GTF2H3: variants seen among roughly 807,000 people sequenced by gnomAD.
The protein encoded by GTF2H3 is general transcription factor IIH subunit 3, also known as TFIIH basal transcription factor complex p34 subunit.
GTF2H3 carries 42 observed loss-of-function variants against 51.1 expected under a neutral mutation model. The ratio of observed to expected loss-of-function variants is 0.82; its 90% confidence interval spans 0.64 to 1.06. The LOEUF (loss-of-function observed/expected upper bound fraction) is 1.06, where lower values mean the gene tolerates loss of function less well. Among genes scored for constraint, GTF2H3 ranks in the 50% least tolerant of loss-of-function variants. The pLI, the probability that GTF2H3 is intolerant of heterozygous loss-of-function variation, is 0.00. For missense variants in GTF2H3, 326 were observed against 366.1 expected (o/e 0.89, Z 0.89); for synonymous variants, 123 against 123.8 (o/e 0.99, Z 0.04).
intron 8 of GTF2H3, among the ~76,000 whole-genome samples, chr12:123,655,315 A>T (rs1955573008): frequency 6.6e-6 from 1 of 152,168 alleles, no homozygotes; most frequent in Admixed American, 6.5e-5. Flanking sequence ...ACCTTGCATC[A>T]GTTTCTTTAT....
chr12:123,657,459 C>T (rs1593814495), intron 9 of GTF2H3, among the ~76,000 whole-genome samples: 1 of 152,214 alleles, frequency 6.6e-6, no homozygotes, highest in Admixed American at 6.5e-5. Flanking sequence ...ACTTTCTGTT[C>T]TCTCTGCTCG....
At chr12:123,648,597 C>T (rs1057199780) in intron 4 of GTF2H3, among the ~76,000 whole-genome samples, 14 of 152,198 alleles carry the variant, frequency 9.2e-5, no homozygotes, top group African/African-American at 3.4e-4. Context: ...GTCCCACAGT[C>T]TCTGGACATG....
intron 5 of GTF2H3, among the ~76,000 whole-genome samples, chr12:123,651,819 C>CAA (rs993644383): frequency 2.1e-5 from 2 of 93,946 alleles, no homozygotes; most frequent in Admixed American, 1.1e-4. Context: ...GACTACATCT[C>CAA]AAAAAAAAAA....
chr12:123,660,454 G>A lies in GTF2H3; in HGVS notation c.*219G>A. The A allele has an allele frequency of 4.9e-6, 2 of 404,486 alleles. No homozygotes were observed. The highest frequency in any genetic ancestry group is 4.4e-6 in the Non-Finnish European group (1 of 228,844). 25.1% of individuals were successfully genotyped at this position (404,486 alleles called of 1,614,324 possible). A position where few individuals can be genotyped will look rare whatever the true frequency, so the allele number is the denominator to read the frequency against. On this transcript the variant is annotated 3_prime_UTR_variant, in exon 13 of 13. Coordinates refer to ENST00000543341, the MANE Select transcript of GTF2H3 (RefSeq NM_001516.5). Reference sequence around the variant, plus strand: ...TGCATTATATCCTAAAATATTCTATGACTGGTTTCTGTCCATGTTTGTGGC... The same window carrying A: ...TGCATTATATCCTAAAATATTCTATAACTGGTTTCTGTCCATGTTTGTGGC...
In GTF2H3 at chr12:123,659,544, T is replaced by C. The variant is rs1357654293; in HGVS notation, c.644T>C (p.Leu215Pro). ...QACDITGGLY[L>P]KVPQMPSLLQ... is the part of the protein sequence containing the mutation. ...TGTGACATCACGGGAGGACTGTACC[T>C]GAAGGTGCCTCAGATGCCTTCTCTT... Residue 215 changes from leucine (L) to proline (P), a missense_variant, in exon 10 of 13, where the codon CTG becomes CCG. Transcript: ENST00000543341. The C allele has an allele frequency of 4.2e-5, 67 of 1,614,048 alleles. No individual in the cohort carries two copies. The highest frequency in any genetic ancestry group is 5.4e-5 in the Non-Finnish European group (64 of 1,180,024).
rs938500834 is a variant in GTF2H3, at chr12:123,662,146, A to T, written c.*1911A>T. 1 of 152,050 alleles carries T rather than the reference A, an allele frequency of 6.6e-6. No homozygotes were observed. The highest frequency in any genetic ancestry group is 1.5e-5 in the Non-Finnish European group (1 of 68,202). 9.4% of individuals were successfully genotyped at this position (152,050 alleles called of 1,614,324 possible). A position where few individuals can be genotyped will look rare whatever the true frequency, so the allele number is the denominator to read the frequency against. The stretch of plus-strand genomic sequence containing the variant: ...ACAAAACTCTGTCTCAAAAAAAAAA[A>T]AAAAAAAAAAGTCTGTACTGATAAA... On this transcript the variant is annotated 3_prime_UTR_variant, in exon 13 of 13. Transcript: ENST00000543341.
At chr12:123,639,963 C>CA in intron 2 of GTF2H3, 1 of 455,900 alleles carries the variant, frequency 2.2e-6, no homozygotes, top group Non-Finnish European at 4.4e-6. Flanking sequence ...TCAGCACCAC[C>CA]ATCTCATGCC....
chr12:123,639,314 TG>T lies in GTF2H3; in HGVS notation c.68del (p.Gly23GlufsTer5). ...TGTAGTTGATGCCAACCCAATTTGGTGGGGAAAGCAAGCATTAAAGGAATCT... is the reference window on the plus strand; with the variant it reads ...TGTAGTTGATGCCAACCCAATTTGGTGGGAAAGCAAGCATTAAAGGAATCT... ...VIVVDANPIW[W>X]GKQALKESQF... On this transcript the variant is annotated frameshift_variant, in exon 2 of 13. Coordinates refer to ENST00000543341, the MANE Select transcript of GTF2H3 (RefSeq NM_001516.5). LOFTEE classifies it high-confidence loss of function. 1 of 1,589,646 alleles carries T rather than the reference TG, an allele frequency of 6.3e-7. No individual in the cohort carries two copies. The highest frequency in any genetic ancestry group is 8.6e-7 in the Non-Finnish European group (1 of 1,157,864).
At chr12:123,657,444 G>A (rs748523043) in intron 9 of GTF2H3, among the ~76,000 whole-genome samples, 51 of 152,274 alleles carry the variant, frequency 3.3e-4, no homozygotes, top group Middle Eastern at 3.4e-3. Flanking sequence ...CCAGAGGGGC[G>A]CTGCACTTTC....
At chr12:123,651,819 CAAAA>C (rs993644383) in intron 5 of GTF2H3, among the ~76,000 whole-genome samples, 1 of 93,950 alleles carries the variant, frequency 1.1e-5, no homozygotes, top group Non-Finnish European at 2.2e-5. Flanking sequence ...GACTACATCT[CAAAA>C]AAAAAAAAAA....
chr12:123,647,941 G>GT (rs763358730), intron 3 of GTF2H3, 22 bp from the exon 4 acceptor site: 2 of 1,605,200 alleles, frequency 1.2e-6, no homozygotes, highest in Non-Finnish European at 8.5e-7. Context: ...GTGTAACCAG[G>GT]TTTTTTCCCC....
At chr12:123,646,876 G>A (rs1955453422) in intron 3 of GTF2H3, among the ~76,000 whole-genome samples, 1 of 151,404 alleles carries the variant, frequency 6.6e-6, no homozygotes, top group African/African-American at 2.4e-5. Context: ...CCATGGCTGG[G>A]TGCGGTGGCT....
At chr12:123,636,524 C>T (rs1438267814) in intron 1 of GTF2H3, among the ~76,000 whole-genome samples, 2 of 152,234 alleles carry the variant, frequency 1.3e-5, no homozygotes, top group African/African-American at 4.8e-5. Context: ...GCCTGTAATC[C>T]CAACACTTTA....
chr12:123,641,412 G>A lies in GTF2H3; in HGVS notation c.93+2069G>A, dbSNP rs1338055815. Among the ~76,000 whole-genome samples, 4 of 151,990 alleles carry A rather than the reference G, an allele frequency of 2.6e-5. No individual in the cohort carries two copies. In the East Asian group the frequency reaches 7.7e-4, roughly 29 times the overall value. ...GGCTAATTTTTGTATTGTTAGTAGA[G>A]ACGGGGCTTCGCCATGTTGGCCAGG... On this transcript the variant is annotated intron_variant, in intron 2 of 12. Coordinates refer to ENST00000543341, the MANE Select transcript of GTF2H3 (RefSeq NM_001516.5).
At chr12:123,659,952 T>G (rs1382326192) in intron 11 of GTF2H3, 22 bp downstream of exon 11, 6 of 1,607,946 alleles carry the variant, frequency 3.7e-6, no homozygotes, top group Non-Finnish European at 4.2e-6. Flanking sequence ...TACCTAGTTT[T>G]TCTTTTTTTT....
intron 3 of GTF2H3, 30 bp downstream of exon 3, chr12:123,645,591 C>A: frequency 9.0e-7 from 1 of 1,115,194 alleles, no homozygotes; most frequent in Non-Finnish European, 1.4e-6. Context: ...TTTTGCTCTT[C>A]AGTGCTTAAT....
chr12:123,642,177 C>CTT (rs111844500), intron 2 of GTF2H3, among the ~76,000 whole-genome samples: 30 of 140,186 alleles, frequency 2.1e-4, no homozygotes, highest in South Asian at 4.6e-4. Context: ...TTTTTCTTTT[C>CTT]TTTTTTTTTT....
At chr12:123,653,421 G>T (rs1384690711) in intron 7 of GTF2H3, among the ~76,000 whole-genome samples, 1 of 151,942 alleles carries the variant, frequency 6.6e-6, no homozygotes, top group Non-Finnish European at 1.5e-5. Context: ...CAACACTTTG[G>T]GAGGCCAAGG....
chr12:123,648,023 C>T lies in GTF2H3; in HGVS notation c.261C>T (p.Asn87=), dbSNP rs1275682884. The T allele has an allele frequency of 1.2e-6, 2 of 1,612,232 alleles. No homozygotes were observed. The highest frequency in any genetic ancestry group is 1.7e-6 in the Non-Finnish European group (2 of 1,178,434). ...GAGACTTCTTCGGAGACCCTGGCAACCCTCCTGAATTTAATCCCTCTGGGA... is the reference window on the plus strand; with the variant it reads ...GAGACTTCTTCGGAGACCCTGGCAATCCTCCTGAATTTAATCCCTCTGGGA... ...RLGDFFGDPG[N]PPEFNPSGSK... is the part of the protein sequence containing the mutation. Residue 87 remains asparagine, a synonymous_variant, in exon 4 of 13, where the codon AAC becomes AAT. Transcript: ENST00000543341.
Sources: gnomAD v4.1 joint callset for allele counts (sites outside exome capture counted in the v4.1 genomes callset) on GRCh38, gnomAD v4.1.1 for gene constraint, MANE v1.5 for transcripts, NCBI Gene and HGNC (gene_info 2026-07-23, HGNC 2026-07-21) for gene names.